The following PBX1 variants were observed in gnomAD, a reference collection of about 807,000 sequenced individuals.
PBX1 encodes PBX homeobox 1.
PBX1 carries 6 observed loss-of-function variants against 53.4 expected under a neutral mutation model. The observed-to-expected ratio is 0.11, with a 90% CI of 0.06 to 0.22. The LOEUF (loss-of-function observed/expected upper bound fraction) is 0.22. PBX1 is among the 10% of genes least tolerant of loss of function. PBX1 has a pLI of 1.00. For missense variants in PBX1, 251 were observed against 551.4 expected (o/e 0.46, Z 5.46); for synonymous variants, 204 against 212.3 (o/e 0.96, Z 0.34).
intron 8 of PBX1, chr1:164,828,622 C>T (rs914181606): frequency 6.6e-6 from 1 of 152,100 alleles, no homozygotes; most frequent in African/African-American, 2.4e-5. Context: ...GTTCCAGACT[C>T]AAGTTGGTCC....
In PBX1 at chr1:164,792,716, C is replaced by T; in HGVS notation, c.488C>T (p.Thr163Met). 2 of 1,610,782 alleles carry T rather than the reference C, an allele frequency of 1.2e-6. No individual in the cohort carries two copies. Among genetic ancestry groups the T allele is most frequent in the Non-Finnish European group, 1.7e-6 (2 of 1,177,778 alleles). ...KLSQIRQIYHTELEKYEQACN... is the reference protein window; with the variant it reads ...KLSQIRQIYHMELEKYEQACN... The stretch of plus-strand genomic sequence containing the variant: ...TCACAGATCAGACAAATCTACCATA[C>T]GGAGCTGGAGAAATACGAGCAGGTA... Residue 163 changes from threonine (T) to methionine (M), a missense_variant, in exon 3 of 9, where the codon ACG becomes ATG. Coordinates refer to ENST00000420696, the MANE Select transcript of PBX1 (RefSeq NM_002585.4).
chr1:164,855,461 C>A (rs999354552), downstream of PBX1, among the ~76,000 whole-genome samples: 2 of 140,934 alleles, frequency 1.4e-5, no homozygotes, highest in African/African-American at 5.3e-5. Context: ...AACCTTGAAT[C>A]TTTCTAGTAT....
chr1:164,881,008 C>T (rs534779728), intron 2 of PBX1, among the ~76,000 whole-genome samples: 29 of 152,340 alleles, frequency 1.9e-4, no homozygotes, highest in Admixed American at 9.1e-4. Flanking sequence ...GTGGTCTGAT[C>T]TCCTAGCCAT....
At chr1:164,628,364 C>A (rs1457844131) in intron 2 of PBX1, among the ~76,000 whole-genome samples, 1 of 152,166 alleles carries the variant, frequency 6.6e-6, no homozygotes, top group African/African-American at 2.4e-5. Flanking sequence ...GCAATGGTCT[C>A]TTTCTCCGAG....
intron 2 of PBX1, among the ~76,000 whole-genome samples, chr1:164,627,524 C>T (rs749561466): frequency 6.6e-6 from 1 of 152,116 alleles, no homozygotes; most frequent in Non-Finnish European, 1.5e-5. Flanking sequence ...GAGAATGGAC[C>T]CGCAGCATCG....
chr1:164,828,036 G>C (rs892090381), intron 8 of PBX1, among the ~76,000 whole-genome samples: 1 of 152,148 alleles, frequency 6.6e-6, no homozygotes, highest in Non-Finnish European at 1.5e-5. Context: ...GAGGGAATTT[G>C]AAATTAAATT....
chr1:164,754,567 G>C (rs1666405164), intron 2 of PBX1, among the ~76,000 whole-genome samples: 1 of 152,190 alleles, frequency 6.6e-6, no homozygotes, highest in African/African-American at 2.4e-5. Flanking sequence ...TTGCATTGCA[G>C]GGACTGAAAA....
At chr1:164,698,386 C>G (rs1250472991) in intron 2 of PBX1, among the ~76,000 whole-genome samples, 2 of 152,152 alleles carry the variant, frequency 1.3e-5, no homozygotes, top group Non-Finnish European at 2.9e-5. Flanking sequence ...AGTTCTCATT[C>G]TTTGAGAAAC....
At chr1:164,840,380 A>T (rs1184191497) in intron 8 of PBX1, among the ~76,000 whole-genome samples, 1 of 152,202 alleles carries the variant, frequency 6.6e-6, no homozygotes, top group African/African-American at 2.4e-5. Flanking sequence ...CCCATATTTT[A>T]TCTGGCAATG....
At chr1:164,777,423 AAAC>A (rs574830106) in intron 2 of PBX1, among the ~76,000 whole-genome samples, 3 of 152,312 alleles carry the variant, frequency 2.0e-5, no homozygotes, top group South Asian at 4.1e-4. Flanking sequence ...ACCCTGCCTC[AAAC>A]AACAACAACA....
At chr1:164,761,745 T>C (rs889355757) in intron 2 of PBX1, among the ~76,000 whole-genome samples, 1 of 152,182 alleles carries the variant, frequency 6.6e-6, no homozygotes, top group African/African-American at 2.4e-5. Context: ...GCCCGGCCCA[T>C]TGGGACATTA....
intron 2 of PBX1, among the ~76,000 whole-genome samples, chr1:164,752,457 A>T (rs1557985597): frequency 1.3e-5 from 2 of 152,122 alleles, no homozygotes; most frequent in African/African-American, 4.8e-5. Context: ...AGAATGCAGA[A>T]TGTGGAAGGA....
chr1:164,793,248 G>A (rs905205467), intron 3 of PBX1, among the ~76,000 whole-genome samples: 2 of 152,158 alleles, frequency 1.3e-5, no homozygotes, highest in Non-Finnish European at 2.9e-5. Flanking sequence ...ACTTTACCCA[G>A]ACTCAGTTCA....
intron 2 of PBX1, among the ~76,000 whole-genome samples, chr1:164,619,861 A>C (rs1212984437): frequency 6.6e-6 from 1 of 152,192 alleles, no homozygotes; most frequent in African/African-American, 2.4e-5. Context: ...TAGGAAAAAT[A>C]ATGAGTTTGC....
chr1:164,827,919 A>G (rs548725929), intron 8 of PBX1, among the ~76,000 whole-genome samples: 20 of 152,350 alleles, frequency 1.3e-4, no homozygotes, highest in African/African-American at 4.8e-4. Flanking sequence ...CTCTGATGTC[A>G]GTCAGGGTAC....
At chr1:164,690,938 G>T (rs535431360) in intron 2 of PBX1, among the ~76,000 whole-genome samples, 17 of 151,288 alleles carry the variant, frequency 1.1e-4, no homozygotes, top group Middle Eastern at 3.4e-3. Flanking sequence ...AAATGAGGGG[G>T]AATCCTTAAA....
Position 164,666,362 on chromosome 1 carries a change from C to A in PBX1, c.265+103051C>A, listed in dbSNP as rs192470769. Among the ~76,000 whole-genome samples, 6 of 152,282 alleles carry A rather than the reference C, an allele frequency of 3.9e-5. 1 individual carries two copies. Among genetic ancestry groups the A allele is most frequent in the East Asian group, 1.9e-4 (1 of 5,170 alleles). ...GCTTAAGTCCATTATTATTATTATTCTTATTTGTTGTTTTTGTATATAAAT... is the reference window on the plus strand; with the variant it reads ...GCTTAAGTCCATTATTATTATTATTATTATTTGTTGTTTTTGTATATAAAT... On this transcript the variant is annotated intron_variant, in intron 2 of 8. Transcript: ENST00000420696.
At chr1:164,863,454 T>A (rs908538407) in intron 2 of PBX1, among the ~76,000 whole-genome samples, 5 of 152,182 alleles carry the variant, frequency 3.3e-5, no homozygotes, top group Non-Finnish European at 1.5e-5. Flanking sequence ...AATAAAAACA[T>A]CCAGTTCCTA....
Position 164,799,707 on chromosome 1 carries a change from C to A in PBX1, c.519C>A (p.Asn173Lys). Residue 173 changes from asparagine (N) to lysine (K), a missense_variant, in exon 4 of 9, where the codon AAC becomes AAA. Coordinates refer to ENST00000420696, the MANE Select transcript of PBX1 (RefSeq NM_002585.4). ...TTGTCCTGCCATTCCAGGCCTGCAA[C>A]GAGTTCACCACCCACGTGATGAATC... ...TELEKYEQAC[N>K]EFTTHVMNLL... 1 of 1,610,668 alleles carries A rather than the reference C, an allele frequency of 6.2e-7. No individual in the cohort carries two copies. Among genetic ancestry groups the A allele is most frequent in the East Asian group, 2.2e-5 (1 of 44,774 alleles).
Sources: gnomAD v4.1 joint callset for allele counts (sites outside exome capture counted in the v4.1 genomes callset) on GRCh38, gnomAD v4.1.1 for gene constraint, MANE v1.5 for transcripts, NCBI Gene and HGNC (gene_info 2026-07-23, HGNC 2026-07-21) for gene names.